CHD6: variants seen among roughly 807,000 people sequenced by gnomAD.
CHD6 encodes the protein chromodomain helicase DNA binding protein 6.
Under a neutral mutation model 276.9 loss-of-function variants are expected in CHD6, and 50 were observed. The observed-to-expected ratio is 0.18, with a 90% CI of 0.14 to 0.23. The LOEUF is 0.23. Among genes scored for constraint, CHD6 ranks in the 10% least tolerant of loss-of-function variants. CHD6 has a pLI of 1.00. For missense variants in CHD6, 2,564 were observed against 3,365.8 expected (o/e 0.76, Z 5.89); for synonymous variants, 1,173 against 1,229.3 (o/e 0.95, Z 0.96).
intron 2 of CHD6, among the ~76,000 whole-genome samples, chr20:41,533,789 A>C (rs2044752621): frequency 6.6e-6 from 1 of 152,146 alleles, no homozygotes; most frequent in Non-Finnish European, 1.5e-5. Context: ...TAGCATACTA[A>C]ATCAGGATCA....
At position 41,425,320 on chromosome 20, in the gene CHD6, C is replaced by T. The variant is rs61756304; in HGVS notation, c.4204G>A (p.Val1402Ile). 1 of 1,614,186 alleles carries T rather than the reference C, an allele frequency of 6.2e-7. No individual in the cohort carries two copies. The highest frequency in any genetic ancestry group is 8.5e-7 in the Non-Finnish European group (1 of 1,180,034). Residue 1402 changes from valine to isoleucine, a missense_variant, in exon 29 of 37, where the codon GTC becomes ATC. Val to Ile is a conservative substitution (Grantham distance 29). Transcript: ENST00000373233. Reference protein sequence around the residue: ...SALTARLRRLVTVYQRCNRKE... With the variant: ...SALTARLRRLITVYQRCNRKE... ...CGGTTGCAGCGCTGGTAAACAGTGA[C>T]CAGACGTCTGAGACGAGCTGTGAGG...
intron 27 of CHD6, among the ~76,000 whole-genome samples, chr20:41,435,603 CAAAAAAA>C (rs34895530): frequency 9.1e-6 from 1 of 110,190 alleles, no homozygotes. Context: ...GACCCTGAGT[CAAAAAAA>C]AAAAAAAAAA....
Position 41,404,629 on chromosome 20 carries a change from C to A in CHD6, c.8112G>T (p.Glu2704Asp), listed in dbSNP as rs758136461. Residue 2704 changes from glutamate (E) to aspartate (D), a missense_variant, in exon 37 of 37, where the codon GAG becomes GAT. Transcript: ENST00000373233. ...AEREHGAQAG[E>D]GALKDSNNDT... The stretch of plus-strand genomic sequence containing the variant: ...CGTTGTTGGAGTCTTTGAGTGCCCC[C>A]TCCCCAGCCTGTGCCCCATGTTCTC... 7 of 1,506,854 alleles carry A rather than the reference C, an allele frequency of 4.6e-6. No homozygotes were observed. The highest frequency in any genetic ancestry group is 1.8e-4 in the Middle Eastern group (1 of 5,512). The allele number at this position is 1,506,854 out of a possible 1,614,324, so 93.3% of individuals were successfully genotyped here.
intron 36 of CHD6, among the ~76,000 whole-genome samples, chr20:41,406,246 C>G (rs1178582430): frequency 6.6e-6 from 1 of 152,198 alleles, no homozygotes; most frequent in Non-Finnish European, 1.5e-5. Context: ...TGGTGGTTCT[C>G]CCTAAGGGAG....
In CHD6 at chr20:41,423,656, G is replaced by A; in HGVS notation, c.4391C>T (p.Ser1464Phe). Residue 1464 changes from serine (S) to phenylalanine (F), a missense_variant, in exon 30 of 37, where the codon TCC becomes TTC. Physicochemically the swap from Ser to Phe is radical, Grantham distance 155. Transcript: ENST00000373233. The stretch of plus-strand genomic sequence containing the variant: ...TTCTTGATCGTAAACAACACCAAAG[G>A]AAGACACTGTTCTATAGAAGTCTGC... ...EQADFYRTVS[S>F]FGVVYDQEKK... 6.2e-7 allele frequency: 1 copy of A among 1,614,162 alleles called. No homozygotes were observed. Among genetic ancestry groups the A allele is most frequent in the Non-Finnish European group, 8.5e-7 (1 of 1,180,036 alleles).
chr20:41,478,877 A>G (rs2043227526), intron 16 of CHD6, among the ~76,000 whole-genome samples: 1 of 152,236 alleles, frequency 6.6e-6, no homozygotes. Flanking sequence ...TCTCAAGGGA[A>G]CAGGCAATTA....
intron 1 of CHD6, among the ~76,000 whole-genome samples, chr20:41,559,178 A>ACACACACACAC (rs1568701886): frequency 6.6e-6 from 1 of 150,636 alleles, no homozygotes; most frequent in South Asian, 2.1e-4. Context: ...ACACACACAC[A>ACACACACACAC]AAGTAAACTT....
chr20:41,422,469 C>T (rs567393175), intron 30 of CHD6, among the ~76,000 whole-genome samples: 2 of 151,910 alleles, frequency 1.3e-5, no homozygotes, highest in Admixed American at 6.6e-5. Flanking sequence ...TGAGACCCCA[C>T]CCCCCATGTC....
intron 2 of CHD6, among the ~76,000 whole-genome samples, chr20:41,534,532 CA>C (rs2044777645): frequency 6.7e-6 from 1 of 150,360 alleles, no homozygotes; most frequent in Non-Finnish European, 1.5e-5. Context: ...CCAAACATAA[CA>C]CTGAGAATCC....
intron 27 of CHD6, 195 bp downstream of exon 27, chr20:41,437,079 T>C (rs2047732968): frequency 1.7e-6 from 1 of 573,316 alleles, no homozygotes; most frequent in Non-Finnish European, 3.1e-6. Flanking sequence ...TACAGTTATC[T>C]CAAAATAAAA....
At chr20:41,588,475 T>C (rs2045619948) in intron 1 of CHD6, among the ~76,000 whole-genome samples, 2 of 152,152 alleles carry the variant, frequency 1.3e-5, no homozygotes, top group East Asian at 3.9e-4. Context: ...ACCTCTGCTT[T>C]TGTCTTGTCC....
chr20:41,436,146 A>G (rs2047702681), intron 27 of CHD6, among the ~76,000 whole-genome samples: 1 of 152,226 alleles, frequency 6.6e-6, no homozygotes, highest in Non-Finnish European at 1.5e-5. Flanking sequence ...TCTAGAATAT[A>G]TACAGAACTC....
chr20:41,563,383 A>T (rs2045322914), intron 1 of CHD6, among the ~76,000 whole-genome samples: 1 of 152,186 alleles, frequency 6.6e-6, no homozygotes, highest in Non-Finnish European at 1.5e-5. Flanking sequence ...TAATTCCTAT[A>T]ACCTGTTTTA....
chr20:41,565,623 T>C (rs1038306646), intron 1 of CHD6, among the ~76,000 whole-genome samples: 7 of 150,278 alleles, frequency 4.7e-5, no homozygotes, highest in Admixed American at 6.6e-5. Flanking sequence ...TGTCAAATGA[T>C]CTGCCCAAAG....
intron 1 of CHD6, among the ~76,000 whole-genome samples, chr20:41,615,063 G>C (rs146079385): frequency 4.4e-4 from 67 of 152,274 alleles, no homozygotes; most frequent in African/African-American, 1.5e-3. Flanking sequence ...CAGTACGCTT[G>C]AGCTTTTAAA....
rs755150502 is a variant in CHD6, at chr20:41,473,550, G to A, written c.2469-33C>T. 84 of 1,580,930 alleles carry A rather than the reference G, an allele frequency of 5.3e-5. No homozygotes were observed. Among genetic ancestry groups the A allele is most frequent in the Admixed American group, 1.0e-4 (6 of 59,614 alleles). ...GACCCAAATGAACGAAAGCCCAGGC[G>A]TTAATCATGACTTCAATGGAGAACA... On this transcript the variant is annotated intron_variant, in intron 16 of 36. Transcript: ENST00000373233. The surrounding 1 kb of genome is among the most constrained non-coding windows in gnomAD (Gnocchi z 4.1).
chr20:41,491,665 G>T (rs1347377029), intron 11 of CHD6, 33 bp downstream of exon 11: 2 of 1,613,016 alleles, frequency 1.2e-6, no homozygotes, highest in Admixed American at 3.3e-5. Flanking sequence ...ATACCTCTGG[G>T]TACAAACATC....
At position 41,421,101 on chromosome 20, in the gene CHD6, A is replaced by T; in HGVS notation, c.5534T>A (p.Ile1845Asn). ...KRNLSSDQQL[I>N]DLLENKSLES... is the part of the protein sequence containing the mutation. ...TAAGCTTTTGTTTTCCAATAAATCA[A>T]TTAATTGCTGATCTGATGACAGGTT... Residue 1845 changes from isoleucine to asparagine, a missense_variant, in exon 31 of 37, where the codon ATT becomes AAT. Ile to Asn is a moderately radical substitution (Grantham distance 149). This residue lies in a region of CHD6 where 1,024 missense variants were observed against 1,047.9 expected (regional missense o/e 0.98). Coordinates refer to ENST00000373233, the MANE Select transcript of CHD6 (RefSeq NM_032221.5). 1 of 1,614,178 alleles carries T rather than the reference A, an allele frequency of 6.2e-7. No homozygotes were observed. Among genetic ancestry groups the T allele is most frequent in the Non-Finnish European group, 8.5e-7 (1 of 1,180,040 alleles).
In CHD6 at chr20:41,445,762, C is replaced by G; in HGVS notation, c.3780G>C (p.Leu1260=). The G allele has an allele frequency of 6.2e-7, 1 of 1,609,902 alleles. No homozygotes were observed. Among genetic ancestry groups the G allele is most frequent in the Non-Finnish European group, 8.5e-7 (1 of 1,176,196 alleles). ...AGTCGATGTCAGGCAGAGGTACATC[C>G]AGCTCCCTAGGGAAGGAAGGGTGTA... is the stretch of plus-strand genomic sequence containing the variant. ...KAFEGSPARE[L]DVPLPDIDYM... The change falls in exon 25 of 37, where the codon CTG becomes CTC. Residue 1260 remains leucine (L), a synonymous_variant. Transcript: ENST00000373233.
Sources: gnomAD v4.1 joint callset for allele counts (sites outside exome capture counted in the v4.1 genomes callset) on GRCh38, gnomAD v4.1.1 for gene constraint, gnomAD v4.1.1 regional missense constraint, Gnocchi (gnomAD v3.1) non-coding constraint, MANE v1.5 for transcripts, NCBI Gene and HGNC (gene_info 2026-07-23, HGNC 2026-07-21) for gene names.